SHISA9: variants seen among roughly 807,000 people sequenced by gnomAD.
The protein encoded by SHISA9 is shisa family member 9.
A neutral mutation model predicts 38.0 loss-of-function variants in SHISA9; 13 were observed. That is an observed-to-expected ratio of 0.34 (90% CI 0.22 to 0.54). The LOEUF is 0.54. Ranked by LOEUF, SHISA9 falls within the 20% of genes least tolerant of loss-of-function variation. SHISA9 has a pLI of 0.91. For synonymous variants in SHISA9, 275 were observed against 242.0 expected, an observed-to-expected ratio of 1.14 and a Z score of -1.27; for missense variants, 538 against 575.8, an observed-to-expected ratio of 0.93 and a Z score of 0.67.
the SHISA9 span, among the ~76,000 whole-genome samples, chr16:13,479,659 A>G: frequency 1.3e-5 from 2 of 152,188 alleles, no homozygotes; most frequent in Non-Finnish European, 2.9e-5. Flanking sequence ...AGTTTGCAGC[A>G]GTTATATTCC....
chr16:13,040,530 A>G (rs1057138691), intron 2 of SHISA9, among the ~76,000 whole-genome samples: 1 of 152,226 alleles, frequency 6.6e-6, no homozygotes, highest in African/African-American at 2.4e-5. Flanking sequence ...AGCATTGATT[A>G]CATTCCAAAT....
chr16:13,507,556 A>T, the SHISA9 span, among the ~76,000 whole-genome samples: 2 of 152,150 alleles, frequency 1.3e-5, no homozygotes, highest in Non-Finnish European at 2.9e-5. Context: ...AATTGATGTT[A>T]TTAAGAAGGA....
downstream of SHISA9, among the ~76,000 whole-genome samples, chr16:13,242,818 T>C (rs2051444841): frequency 6.6e-6 from 1 of 152,220 alleles, no homozygotes; most frequent in African/African-American, 2.4e-5. Flanking sequence ...TTCAAAGGTT[T>C]GCTCCTGGAT....
chr16:13,481,632 CA>C, the SHISA9 span, among the ~76,000 whole-genome samples: 1 of 152,146 alleles, frequency 6.6e-6, no homozygotes, highest in Non-Finnish European at 1.5e-5. Context: ...ACTGTGTCCT[CA>C]GTGCCTTGTA....
rs553036780 is a variant in SHISA9 at position 13,160,459 on chromosome 16, A to G, written c.692-42935A>G. 5.3e-5 allele frequency among the ~76,000 whole-genome samples: 8 copies of G among 152,266 alleles called. No individual in the cohort carries two copies. In the East Asian group the frequency reaches 1.5e-3, roughly 29 times the overall value. ...TGAATCCCTCCTCCAGTAATATATC[A>G]CACTGCATAGGTGGCCCTGGTCCCT... On this transcript the variant is annotated intron_variant, in intron 2 of 4. Coordinates refer to ENST00000558583, the MANE Select transcript of SHISA9 (RefSeq NM_001145204.3).
chr16:13,057,827 T>A (rs945026064), intron 2 of SHISA9, among the ~76,000 whole-genome samples: 1 of 152,030 alleles, frequency 6.6e-6, no homozygotes, highest in Non-Finnish European at 1.5e-5. Flanking sequence ...ACAGGCCCCA[T>A]TGTGTGATAT....
chr16:13,433,608 C>T, the SHISA9 span, among the ~76,000 whole-genome samples: 3 of 152,284 alleles, frequency 2.0e-5, no homozygotes, highest in Non-Finnish European at 4.4e-5. Flanking sequence ...CTCTAAGATT[C>T]ATGTTCTCAC....
the SHISA9 span, among the ~76,000 whole-genome samples, chr16:13,347,932 A>G: frequency 6.6e-6 from 1 of 152,200 alleles, no homozygotes; most frequent in Non-Finnish European, 1.5e-5. Context: ...AGATGGAATT[A>G]AGATTGCTAA....
chr16:13,414,530 A>G, the SHISA9 span, among the ~76,000 whole-genome samples: 4 of 152,222 alleles, frequency 2.6e-5, no homozygotes, highest in East Asian at 5.8e-4. Context: ...AATGAGGCTC[A>G]GAGAAGTAAA....
At chr16:13,514,902 A>G in the SHISA9 span, among the ~76,000 whole-genome samples, 4 of 152,162 alleles carry the variant, frequency 2.6e-5, no homozygotes, top group African/African-American at 7.2e-5. Flanking sequence ...AAAAATACAC[A>G]TTATGTAAAA....
the SHISA9 span, among the ~76,000 whole-genome samples, chr16:13,501,973 G>A: frequency 6.6e-6 from 1 of 150,708 alleles, no homozygotes; most frequent in Admixed American, 6.6e-5. Flanking sequence ...TTGCACTGCA[G>A]CCTGGGCAAC....
the SHISA9 span, among the ~76,000 whole-genome samples, chr16:13,315,858 CACTT>C: frequency 6.6e-6 from 1 of 152,142 alleles, no homozygotes; most frequent in African/African-American, 2.4e-5. Context: ...TAGAAGCCAT[CACTT>C]GCTTGCTTAA....
intron 2 of SHISA9, among the ~76,000 whole-genome samples, chr16:12,993,349 G>C (rs533988964): frequency 2.0e-5 from 3 of 152,094 alleles, no homozygotes; most frequent in Non-Finnish European, 4.4e-5. Flanking sequence ...GTAGTTAATT[G>C]CATGGACTCT....
rs2071022278 is a variant in SHISA9, at chr16:12,902,003, C to T, written c.-62C>T. On this transcript the variant is annotated 5_prime_UTR_variant, in exon 1 of 5. Coordinates refer to ENST00000558583, the MANE Select transcript of SHISA9 (RefSeq NM_001145204.3). ...AGCCTCGGCAGCTTCGGCCGCGCCT[C>T]GAGAGGCGGCCGCAGAGGCTCCAGC... is the stretch of plus-strand genomic sequence containing the variant. The T allele has an allele frequency of 7.5e-7, 1 of 1,328,422 alleles. No individual in the cohort carries two copies. The highest frequency in any genetic ancestry group is 3.2e-5 in the East Asian group (1 of 31,378). 82.3% of individuals were successfully genotyped at this position (1,328,422 alleles called of 1,614,324 possible). A position where few individuals can be genotyped will look rare whatever the true frequency, so the allele number is the denominator to read the frequency against.
At chr16:13,079,778 TTA>T (rs1225064694) in intron 2 of SHISA9, among the ~76,000 whole-genome samples, 3 of 152,218 alleles carry the variant, frequency 2.0e-5, no homozygotes, top group African/African-American at 4.8e-5. Context: ...ATTGTTCAGT[TTA>T]TACATGGAGA....
At chr16:13,129,465 C>G (rs1329329098) in intron 2 of SHISA9, among the ~76,000 whole-genome samples, 1 of 152,134 alleles carries the variant, frequency 6.6e-6, no homozygotes, top group Admixed American at 6.6e-5. Flanking sequence ...TTTAGTAGAC[C>G]AAGCTTCGTG....
chr16:13,217,966 G>C (rs1386402473), intron 4 of SHISA9, among the ~76,000 whole-genome samples: 1 of 148,298 alleles, frequency 6.7e-6, no homozygotes, highest in Non-Finnish European at 1.5e-5. Context: ...GGAGGCAGAG[G>C]CTGCAGTGAG....
intron 2 of SHISA9, among the ~76,000 whole-genome samples, chr16:13,044,666 G>T (rs1567193508): frequency 1.3e-5 from 2 of 152,316 alleles, no homozygotes; most frequent in South Asian, 2.1e-4. Flanking sequence ...GATCCAGGCA[G>T]AGGCTATAGA....
the SHISA9 span, among the ~76,000 whole-genome samples, chr16:13,434,542 C>A: frequency 2.0e-5 from 3 of 151,164 alleles, no homozygotes; most frequent in Admixed American, 1.3e-4. Flanking sequence ...CTCAGCCTCC[C>A]GAGTAGCTGG....
Sources: allele counts gnomAD v4.1 joint callset (sites outside exome capture counted in the v4.1 genomes callset), GRCh38; gene constraint gnomAD v4.1.1; transcripts MANE v1.5; gene names NCBI Gene and HGNC (gene_info 2026-07-23, HGNC 2026-07-21).